UNC5C: variants seen among roughly 807,000 people sequenced by gnomAD.
The protein encoded by UNC5C is netrin receptor UNC5C.
UNC5C carries 47 observed loss-of-function variants against 99.8 expected under a neutral mutation model. The ratio of observed to expected loss-of-function variants is 0.47; its 90% CI spans 0.37 to 0.60. UNC5C has a LOEUF of 0.60. Ranked by LOEUF, UNC5C falls within the 20% of genes least tolerant of loss-of-function variation. UNC5C has a pLI of 0.00. For synonymous variants in UNC5C, 487 were observed against 452.2 expected (o/e 1.08, Z -0.98); for missense variants, 1,062 against 1,165.9 (o/e 0.91, Z 1.30).
At chr4:95,230,754 A>C (rs1198309282) in intron 7 of UNC5C, among the ~76,000 whole-genome samples, 2 of 151,548 alleles carry the variant, frequency 1.3e-5, no homozygotes, top group African/African-American at 4.9e-5. Context: ...GGCATCCAAG[A>C]TCCTGCATGA....
chr4:95,537,120 GT>G (rs1158789321), intron 1 of UNC5C, among the ~76,000 whole-genome samples: 3 of 151,332 alleles, frequency 2.0e-5, no homozygotes, highest in Non-Finnish European at 3.0e-5. Flanking sequence ...TTATGTGAGA[GT>G]TTTTTTTTAA....
At chr4:95,212,733 A>T (rs919987937) in intron 10 of UNC5C, among the ~76,000 whole-genome samples, 4 of 152,154 alleles carry the variant, frequency 2.6e-5, no homozygotes, top group Non-Finnish European at 5.9e-5. Context: ...CCCTGGAGCC[A>T]CTGCTGCTTC....
chr4:95,301,736 C>T lies in UNC5C; in HGVS notation c.360G>A (p.Arg120=). 1 of 1,612,778 alleles carries T rather than the reference C, an allele frequency of 6.2e-7. No individual in the cohort carries two copies. The highest frequency in any genetic ancestry group is 8.5e-7 in the Non-Finnish European group (1 of 1,179,980). The change falls in exon 3 of 16, where the codon CGG becomes CGA. Residue 120 remains arginine (R), a synonymous_variant. Coordinates refer to ENST00000453304, the MANE Select transcript of UNC5C (RefSeq NM_003728.4). ...GGCGCGAAATCTCAATGCTCACTTC[C>T]CGGACAATGAGACCTGACAAGAGAA... ...RVDETSGLIV[R]EVSIEISRQQ...
intron 1 of UNC5C, among the ~76,000 whole-genome samples, chr4:95,505,558 A>T (rs529697540): frequency 6.6e-6 from 1 of 152,094 alleles, no homozygotes; most frequent in Non-Finnish European, 1.5e-5. Flanking sequence ...ATTGGGTGAC[A>T]TAATATTTTA....
intron 6 of UNC5C, among the ~76,000 whole-genome samples, 187 bp from the exon 7 acceptor site, chr4:95,242,780 T>C (rs1177550904): frequency 6.6e-6 from 1 of 152,182 alleles, no homozygotes; most frequent in Non-Finnish European, 1.5e-5. Context: ...GCTTTTCCTA[T>C]AGAGTGTGTG....
chr4:95,417,242 G>A (rs1043520921), intron 1 of UNC5C, among the ~76,000 whole-genome samples: 1 of 152,158 alleles, frequency 6.6e-6, no homozygotes, highest in African/African-American at 2.4e-5. Context: ...AACTGCACAT[G>A]GAAATGATTT....
chr4:95,317,809 A>G (rs965465021), intron 2 of UNC5C, among the ~76,000 whole-genome samples: 1 of 152,156 alleles, frequency 6.6e-6, no homozygotes, highest in Non-Finnish European at 1.5e-5. Flanking sequence ...ACAGCCAGGT[A>G]AGTAAGTGCC....
At chr4:95,537,591 C>T (rs1437246639) in intron 1 of UNC5C, among the ~76,000 whole-genome samples, 1 of 152,052 alleles carries the variant, frequency 6.6e-6, no homozygotes, top group East Asian at 1.9e-4. Flanking sequence ...AAACTTCTTG[C>T]CTTTCAGATG....
intron 7 of UNC5C, among the ~76,000 whole-genome samples, chr4:95,230,232 CATAA>C (rs1738861879): frequency 6.6e-6 from 1 of 152,112 alleles, no homozygotes; most frequent in Admixed American, 6.5e-5. Context: ...TTGTTGGCTG[CATAA>C]ATGTCTTCTT....
Position 95,234,343 on chromosome 4 carries a change from A to G in UNC5C, c.1108+8086T>C, listed in dbSNP as rs17023306. ...TTTTTAGATCAGACATATATTTTCAATTATTTTCAATAGCAACAAACACGC... is the reference window on the plus strand; with the variant it reads ...TTTTTAGATCAGACATATATTTTCAGTTATTTTCAATAGCAACAAACACGC... On this transcript the variant is annotated intron_variant, in intron 7 of 15. Coordinates refer to ENST00000453304, the MANE Select transcript of UNC5C (RefSeq NM_003728.4). Among the ~76,000 whole-genome samples the G allele has an allele frequency of 3.9e-3, 588 of 151,106 alleles. 1 individual carries two copies. The highest frequency in any genetic ancestry group is 0.014 in the African/African-American group (571 of 41,200).
intron 1 of UNC5C, among the ~76,000 whole-genome samples, chr4:95,523,709 C>T (rs1722422696): frequency 6.6e-6 from 1 of 152,124 alleles, no homozygotes; most frequent in Non-Finnish European, 1.5e-5. Context: ...TTTACAATTG[C>T]TGTTAAAACC....
intron 1 of UNC5C, among the ~76,000 whole-genome samples, chr4:95,350,794 A>G (rs1175672056): frequency 6.6e-6 from 1 of 152,164 alleles, no homozygotes; most frequent in African/African-American, 2.4e-5. Context: ...GGTCAATTAT[A>G]TGGGTCAACT....
At chr4:95,359,412 C>T (rs994916688) in intron 1 of UNC5C, among the ~76,000 whole-genome samples, 11 of 151,544 alleles carry the variant, frequency 7.3e-5, no homozygotes, top group Non-Finnish European at 1.5e-4. Flanking sequence ...TGAGATTTAA[C>T]GACAAGCTTC....
chr4:95,473,624 G>A (rs1748043482), intron 1 of UNC5C, among the ~76,000 whole-genome samples: 1 of 152,082 alleles, frequency 6.6e-6, no homozygotes, highest in Non-Finnish European at 1.5e-5. Context: ...TTATTCTTAA[G>A]TATCTTATTT....
intron 1 of UNC5C, among the ~76,000 whole-genome samples, chr4:95,481,750 C>A (rs891979399): frequency 2.0e-5 from 3 of 152,174 alleles, no homozygotes; most frequent in African/African-American, 7.2e-5. Flanking sequence ...GAAAAACAAG[C>A]AATGGGGAAA....
Position 95,245,036 on chromosome 4 carries a change from C to T in UNC5C, c.884G>A (p.Gly295Glu), listed in dbSNP as rs1428521407. The T allele has an allele frequency of 6.2e-7, 1 of 1,614,018 alleles. No individual in the cohort carries two copies. The highest frequency in any genetic ancestry group is 2.2e-5 in the East Asian group (1 of 44,876). ...RTCTNPAPLN[G>E]GAFCEGQSVQ... ...ACTCTGCCCTTCACAGAAGGCACCC[C>T]CATTGAGTGGTGCCGGGTTGGTACA... Residue 295 changes from glycine to glutamate, a missense_variant, in exon 6 of 16, where the codon GGG becomes GAG. Transcript: ENST00000453304.
At chr4:95,329,247 G>C (rs923978463) in intron 2 of UNC5C, among the ~76,000 whole-genome samples, 1 of 152,144 alleles carries the variant, frequency 6.6e-6, no homozygotes, top group Non-Finnish European at 1.5e-5. Flanking sequence ...CTATGATCAT[G>C]CCACTGCATT....
At chr4:95,406,871 G>T (rs1745845329) in intron 1 of UNC5C, among the ~76,000 whole-genome samples, 1 of 152,130 alleles carries the variant, frequency 6.6e-6, no homozygotes, top group Non-Finnish European at 1.5e-5. Context: ...ACAATTTCAT[G>T]ATTTAAAAAT....
chr4:95,398,242 A>G (rs1441744968), intron 1 of UNC5C, among the ~76,000 whole-genome samples: 1 of 152,066 alleles, frequency 6.6e-6, no homozygotes, highest in African/African-American at 2.4e-5. Flanking sequence ...ATCTTCCCAG[A>G]ATATTATGGA....
Sources: gnomAD v4.1 joint callset for allele counts (sites outside exome capture counted in the v4.1 genomes callset) on GRCh38, gnomAD v4.1.1 for gene constraint, MANE v1.5 for transcripts, NCBI Gene and HGNC (gene_info 2026-07-23, HGNC 2026-07-21) for gene names.